CREBBP: variants seen among roughly 807,000 people sequenced by gnomAD.
CREBBP encodes CREB binding lysine acetyltransferase.
A neutral mutation model predicts 265.0 loss-of-function variants in CREBBP; 19 were observed. The observed-to-expected ratio is 0.07, with a 90% CI of 0.05 to 0.11. CREBBP has a LOEUF of 0.11. CREBBP is among the 10% of genes least tolerant of loss of function. The pLI is 1.00. For missense variants in CREBBP, 2,525 were observed against 3,219.0 expected (o/e 0.78, Z 5.22); for synonymous variants, 1,457 against 1,223.7 (o/e 1.19, Z -3.98).
At position 3,880,150 on chromosome 16, in the gene CREBBP, C is replaced by G. The variant is rs2055500903; in HGVS notation, c.-234G>C. On this transcript the variant is annotated 5_prime_UTR_variant, in exon 1 of 31. Transcript: ENST00000262367. ...CACCGCCCGCCCCCGGCCGCCGCCGCCGCCGCCGGCCGCGGCCCCCTCATC... is the reference window on the plus strand; with the variant it reads ...CACCGCCCGCCCCCGGCCGCCGCCGGCGCCGCCGGCCGCGGCCCCCTCATC... 3 of 148,254 alleles carry G rather than the reference C, an allele frequency of 2.0e-5. No individual in the cohort carries two copies. In the Admixed American group the frequency reaches 2.0e-4, roughly 10 times the overall value. The allele number at this position is 148,254 out of a possible 1,614,324, so 9.2% of individuals were successfully genotyped here.
chr16:3,876,161 C>T (rs971331860), intron 1 of CREBBP, among the ~76,000 whole-genome samples: 2 of 151,920 alleles, frequency 1.3e-5, no homozygotes, highest in African/African-American at 4.8e-5. Flanking sequence ...GCCACAGCCT[C>T]CTGAATAGCT....
At chr16:3,769,055 T>TTTAA in intron 15 of CREBBP, 119 bp downstream of exon 15, 1 of 1,212,172 alleles carries the variant, frequency 8.2e-7, no homozygotes, top group Non-Finnish European at 1.2e-6. Context: ...GAACCCACAT[T>TTTAA]CAAACAGAAT....
In CREBBP at chr16:3,849,439, GTGTGTGTGTGTGTGTGT is replaced by G. The variant is rs2054761291; in HGVS notation, c.798+841_798+857del. Among the ~76,000 whole-genome samples, 75 of 17,238 alleles carry G rather than the reference GTGTGTGTGTGTGTGTGT, an allele frequency of 4.4e-3. 1 individual carries two copies. The highest frequency in any genetic ancestry group is 0.011 in the Non-Finnish European group (57 of 5,034). 11.3% of individuals were successfully genotyped at this position (17,238 alleles called of 152,430 possible). A position where few individuals can be genotyped will look rare whatever the true frequency, so the allele number is the denominator to read the frequency against. Reference sequence around the variant, plus strand: ...TGTGTGTGTGTGTGTGTGTGTGTGTGTGTGTGTGTGTGTGTGTGTGTGTGTGTGTGTGTGTGTGTGTG... The same window carrying G: ...TGTGTGTGTGTGTGTGTGTGTGTGTGGTGTGTGTGTGTGTGTGTGTGTGTG... On this transcript the variant is annotated intron_variant, in intron 2 of 30. Transcript: ENST00000262367.
intron 2 of CREBBP, among the ~76,000 whole-genome samples, chr16:3,849,525 CTTTTTT>C (rs140938515): frequency 1.5e-4 from 1 of 6,556 alleles, no homozygotes; most frequent in Non-Finnish European, 2.9e-4. Flanking sequence ...GAGGCTGCTG[CTTTTTT>C]TTTTTTTTTT....
At chr16:3,871,791 C>G (rs9940938) in intron 1 of CREBBP, among the ~76,000 whole-genome samples, 13,052 of 152,198 alleles carry the variant, frequency 0.086, 1,606 homozygotes, top group African/African-American at 0.28. Flanking sequence ...TACACAACTA[C>G]TTTTTCTCCT....
intron 3 of CREBBP, among the ~76,000 whole-genome samples, chr16:3,794,203 G>A (rs1371837376): frequency 1.3e-5 from 2 of 151,738 alleles, no homozygotes; most frequent in African/African-American, 2.4e-5. Context: ...GTGGTGGCGG[G>A]TGCCTGTAGT....
rs2151354200 is a variant in CREBBP, at chr16:3,744,956, A to G, written c.3920T>C (p.Val1307Ala). The change falls in exon 23 of 31, where the codon GTG (valine) becomes GCG (alanine). Residue 1307 changes from valine (V) to alanine (A), a missense_variant. Transcript: ENST00000262367. The part of the protein sequence containing the change: ...HYDIIWPSGF[V>A]CDNCLKKTGR... ...AGTTTTCTTCAAGCAGTTGTCGCACACAAAACTGCAAAATAATAGTGGTAT... is the reference window on the plus strand; with the variant it reads ...AGTTTTCTTCAAGCAGTTGTCGCACGCAAAACTGCAAAATAATAGTGGTAT... 2 of 1,612,256 alleles carry G rather than the reference A, an allele frequency of 1.2e-6. No individual in the cohort carries two copies. The highest frequency in any genetic ancestry group is 1.6e-4 in the Middle Eastern group (1 of 6,062).
chr16:3,775,406 T>C (rs116029025), intron 11 of CREBBP, among the ~76,000 whole-genome samples: 2 of 152,316 alleles, frequency 1.3e-5, no homozygotes, highest in African/African-American at 4.8e-5. Context: ...TAATACTCTG[T>C]AAACTCTGAG....
intron 1 of CREBBP, among the ~76,000 whole-genome samples, chr16:3,855,098 T>C (rs2054931781): frequency 1.3e-5 from 2 of 152,236 alleles, no homozygotes; most frequent in Admixed American, 1.3e-4. Flanking sequence ...TAATGATCTT[T>C]ATCACACATC....
intron 2 of CREBBP, among the ~76,000 whole-genome samples, chr16:3,814,166 T>A (rs1173296222): frequency 8.1e-6 from 1 of 123,324 alleles, no homozygotes; most frequent in African/African-American, 3.9e-5. Flanking sequence ...TGTTGTTTAG[T>A]GTGTGTGTGT....
intron 13 of CREBBP, 35 bp from the exon 14 acceptor site, chr16:3,771,021 T>C: frequency 6.2e-7 from 1 of 1,609,294 alleles, no homozygotes; most frequent in Non-Finnish European, 8.5e-7. Flanking sequence ...TAAAATTATT[T>C]CCCCCGTTTG....
At chr16:3,851,133 A>T in intron 1 of CREBBP, 124 bp from the exon 2 acceptor site, 1 of 816,044 alleles carries the variant, frequency 1.2e-6, no homozygotes, top group Non-Finnish European at 2.0e-6. Flanking sequence ...CTTAAGAGTC[A>T]TGTCATTAGC....
chr16:3,806,444 C>T (rs130037), intron 3 of CREBBP, among the ~76,000 whole-genome samples: 11,372 of 150,126 alleles, frequency 0.076, 1,200 homozygotes, highest in African/African-American at 0.24. Flanking sequence ...GTCTCCATAA[C>T]GCAGTTCTTA....
intron 21 of CREBBP, among the ~76,000 whole-genome samples, chr16:3,746,524 C>CT (rs1480933686): frequency 6.6e-6 from 1 of 152,188 alleles, no homozygotes; most frequent in African/African-American, 2.4e-5. Flanking sequence ...AACTCAGCCA[C>CT]TGAGCTCATC....
rs369789167 is a variant in CREBBP, at chr16:3,728,708, G to A, written c.6339C>T (p.Pro2113=). 25 of 1,613,940 alleles carry A rather than the reference G, an allele frequency of 1.5e-5. No homozygotes were observed. Among genetic ancestry groups the A allele is most frequent in the Middle Eastern group, 3.3e-4 (2 of 6,062 alleles). ...QRTAKYVANQ[P]GMQPQPGLQS... ...GGAGGCCAGGCTGGGGCTGCATGCC[G>A]GGCTGATTGGCCACGTACTTGGCTG... Residue 2113 remains proline, a synonymous_variant, in exon 31 of 31, where the codon CCC becomes CCT. Coordinates refer to ENST00000262367, the MANE Select transcript of CREBBP (RefSeq NM_004380.3). The surrounding 1 kb of genome is among the most constrained non-coding windows in gnomAD (Gnocchi z 8.7).
At chr16:3,764,675 C>T (rs2052804096) in intron 16 of CREBBP, among the ~76,000 whole-genome samples, 1 of 152,060 alleles carries the variant, frequency 6.6e-6, no homozygotes, top group South Asian at 2.1e-4. Context: ...CCTTGGACCC[C>T]TGAGCTCAAG....
At chr16:3,750,119 C>T (rs1347578754) in intron 20 of CREBBP, among the ~76,000 whole-genome samples, 2 of 152,024 alleles carry the variant, frequency 1.3e-5, no homozygotes, top group African/African-American at 4.8e-5. Flanking sequence ...AAACTCACCC[C>T]GGTTCTGAGT....
Position 3,757,837 on chromosome 16 carries a change from T to C in CREBBP, c.3581A>G (p.Gln1194Arg), listed in dbSNP as rs772403251. The part of the protein sequence containing the change: ...VFEQEIDPVM[Q>R]SLGYCCGRKY... ...GCGTCCACAGCAATATCCAAGGGAC[T>C]GCATGACAGGGTCAATTTCCTGCTC... Residue 1194 changes from glutamine (Q) to arginine (R), a missense_variant, in exon 18 of 31, where the codon CAG becomes CGG. Transcript: ENST00000262367. The C allele has an allele frequency of 6.2e-7, 1 of 1,614,204 alleles. No individual in the cohort carries two copies. Among genetic ancestry groups the C allele is most frequent in the Admixed American group, 1.7e-5 (1 of 60,022 alleles).
In CREBBP at chr16:3,727,783, T is replaced by C; in HGVS notation, c.7264A>G (p.Ser2422Gly). 1 of 1,614,164 alleles carries C rather than the reference T, an allele frequency of 6.2e-7. No homozygotes were observed. The highest frequency in any genetic ancestry group is 8.5e-7 in the Non-Finnish European group (1 of 1,180,028). The change falls in exon 31 of 31, where the codon AGC (serine) becomes GGC (glycine). Residue 2422 changes from serine (S) to glycine (G), a missense_variant. Ser to Gly is a moderately conservative substitution (Grantham distance 56). Around this residue, in one of 19 missense-constraint regions of CREBBP, gnomAD observed 473 missense variants for 459.3 expected, o/e 1.03. Transcript: ENST00000262367. ...LNTPSRSALSSELSLVGDTTG... is the reference protein window; with the variant it reads ...LNTPSRSALSGELSLVGDTTG... ...GTGTCCCCGACCAGGGACAGTTCGC[T>C]GGACAGCGCACTCCTGCTGGGGGTG...
Sources: allele counts gnomAD v4.1 joint callset (sites outside exome capture counted in the v4.1 genomes callset), GRCh38; gene constraint gnomAD v4.1.1; regional missense constraint gnomAD v4.1.1; non-coding constraint Gnocchi (gnomAD v3.1); transcripts MANE v1.5; gene names NCBI Gene and HGNC (gene_info 2026-07-23, HGNC 2026-07-21).